Variants in ITGA8 observed in about 807,000 individuals in gnomAD.
ITGA8 encodes the protein integrin subunit alpha 8, also known as integrin alpha-8.
ITGA8 carries 91 observed loss-of-function variants against 142.3 expected under a neutral mutation model. The observed-to-expected ratio is 0.64, with a 90% CI of 0.54 to 0.76. The LOEUF (loss-of-function observed/expected upper bound fraction) is 0.76, where lower values mean the gene tolerates loss of function less well. Ranked by LOEUF, ITGA8 falls within the 30% of genes least tolerant of loss-of-function variation. ITGA8 has a pLI of 0.00. For missense variants in ITGA8, 1,406 were observed against 1,327.7 expected (o/e 1.06, Z -0.92); for synonymous variants, 505 against 485.2 (o/e 1.04, Z -0.54).
At chr10:15,666,789 G>T (rs1339233875) in intron 8 of ITGA8, among the ~76,000 whole-genome samples, 1 of 152,162 alleles carries the variant, frequency 6.6e-6, no homozygotes, top group Non-Finnish European at 1.5e-5. Flanking sequence ...TGTGGTTTTT[G>T]TCTTTGTTCT....
chr10:15,694,929 C>A (rs1249988518), intron 2 of ITGA8, among the ~76,000 whole-genome samples: 2 of 151,576 alleles, frequency 1.3e-5, no homozygotes, highest in African/African-American at 2.4e-5. Flanking sequence ...GAGACCAGTG[C>A]CTCAAAAATT....
intron 25 of ITGA8, among the ~76,000 whole-genome samples, chr10:15,563,621 A>T (rs928553875): frequency 6.6e-6 from 1 of 152,196 alleles, no homozygotes; most frequent in Non-Finnish European, 1.5e-5. Context: ...GTGCTAAAAC[A>T]ATAGCCCAAA....
Position 15,616,924 on chromosome 10 carries a change from TC to T in ITGA8, c.1400-366del, listed in dbSNP as rs574702439. Among the ~76,000 whole-genome samples the T allele has an allele frequency of 1.1e-3, 169 of 152,292 alleles. 2 individuals are homozygous for T. The highest frequency in any genetic ancestry group is 3.1e-3 in the Admixed American group (47 of 15,298). ...CTAGGTACCAGGCTCATTACACATT[TC>T]GTGTTATCACTCTCACCAGTGAATA... On this transcript the variant is annotated intron_variant, in intron 13 of 29. Transcript: ENST00000378076.
intron 20 of ITGA8, among the ~76,000 whole-genome samples, chr10:15,602,123 C>G (rs1833114482): frequency 6.6e-6 from 1 of 152,114 alleles, no homozygotes; most frequent in Non-Finnish European, 1.5e-5. Flanking sequence ...TAGAATAGGT[C>G]CTTTGTTTAG....
intron 8 of ITGA8, among the ~76,000 whole-genome samples, chr10:15,670,066 T>C (rs1360783660): frequency 2.0e-5 from 3 of 152,178 alleles, no homozygotes; most frequent in African/African-American, 7.2e-5. Flanking sequence ...AAATCACCCA[T>C]CTTCTGCGTC....
At chr10:15,718,097 AATT>A (rs1429233916) in intron 2 of ITGA8, among the ~76,000 whole-genome samples, 1 of 152,238 alleles carries the variant, frequency 6.6e-6, no homozygotes, top group Non-Finnish European at 1.5e-5. Flanking sequence ...ATCGCATTTA[AATT>A]ATTTTCTCAG....
chr10:15,691,615 T>G (rs1470263801), intron 2 of ITGA8, among the ~76,000 whole-genome samples: 1 of 152,164 alleles, frequency 6.6e-6, no homozygotes, highest in East Asian at 1.9e-4. Flanking sequence ...ACCACCGATA[T>G]TGCATGATCT....
At chr10:15,536,413 G>C (rs530686581) in intron 27 of ITGA8, among the ~76,000 whole-genome samples, 57 of 152,316 alleles carry the variant, frequency 3.7e-4, no homozygotes, top group African/African-American at 1.3e-3. Context: ...CTGCGTTGTA[G>C]ATCAGAGGCA....
intron 11 of ITGA8, among the ~76,000 whole-genome samples, chr10:15,652,001 C>T (rs7089969): frequency 0.095 from 14,451 of 152,044 alleles, 905 homozygotes; most frequent in East Asian, 0.29. Flanking sequence ...ATGGAAATAT[C>T]CTTCAATGCA....
intron 25 of ITGA8, among the ~76,000 whole-genome samples, chr10:15,565,358 TTTTTG>T (rs145563072): frequency 6.6e-5 from 10 of 151,788 alleles, no homozygotes; most frequent in Non-Finnish European, 1.2e-4. Flanking sequence ...GCTAAGTTCT[TTTTTG>T]TTTTGTTTTG....
chr10:15,605,731 C>G lies in ITGA8; in HGVS notation c.1963G>C (p.Ala655Pro). Reference protein sequence around the residue: ...NLCVPDLKLSARPDKHQVIIG... With the variant: ...NLCVPDLKLSPRPDKHQVIIG... ...TTAGTTATTTAAACTTACGGTCTAGCCGACAGCTTCAAGTCAGGAACACAC... is the reference window on the plus strand; with the variant it reads ...TTAGTTATTTAAACTTACGGTCTAGGCGACAGCTTCAAGTCAGGAACACAC... Residue 655 changes from alanine to proline, a missense_variant, in exon 19 of 30, where the codon GCT (alanine) becomes CCT (proline). By Grantham distance (27) the Ala-to-Pro change is conservative (BLOSUM62 -1). Transcript: ENST00000378076. 1 of 1,612,806 alleles carries G rather than the reference C, an allele frequency of 6.2e-7. No homozygotes were observed. Among genetic ancestry groups the G allele is most frequent in the Non-Finnish European group, 8.5e-7 (1 of 1,178,878 alleles).
At chr10:15,544,525 T>C (rs1166918146) in intron 27 of ITGA8, among the ~76,000 whole-genome samples, 1 of 152,172 alleles carries the variant, frequency 6.6e-6, no homozygotes, top group African/African-American at 2.4e-5. Flanking sequence ...CCCCAAGAAA[T>C]GAATCTATTG....
At position 15,708,647 on chromosome 10, in the gene ITGA8, A is replaced by G. The variant is rs528716469; in HGVS notation, c.343+10119T>C. ...TCTGTTTGTGTGCATTTCCTTTCTC[A>G]TGCTCTTTTAAAGATGGTAGATACA... On this transcript the variant is annotated intron_variant, in intron 2 of 29. Transcript: ENST00000378076. Among the ~76,000 whole-genome samples the G allele has an allele frequency of 4.6e-5, 7 of 152,322 alleles. No homozygotes were observed. The East Asian group carries it at 9.6e-4, about 21-fold the overall frequency.
At chr10:15,572,965 C>A (rs1317962790) in intron 24 of ITGA8, among the ~76,000 whole-genome samples, 1 of 152,216 alleles carries the variant, frequency 6.6e-6, no homozygotes, top group Non-Finnish European at 1.5e-5. Context: ...CATTTTTTAA[C>A]ACGTGAATCC....
intron 2 of ITGA8, among the ~76,000 whole-genome samples, chr10:15,711,466 GT>G (rs542885797): frequency 6.6e-6 from 1 of 151,746 alleles, no homozygotes; most frequent in East Asian, 1.9e-4. Flanking sequence ...CTCCATAAAG[GT>G]TTTTTCTCTT....
intron 27 of ITGA8, among the ~76,000 whole-genome samples, chr10:15,538,953 GTTTTTTT>G (rs367805176): frequency 1.9e-4 from 25 of 132,196 alleles, no homozygotes; most frequent in South Asian, 2.6e-4. Context: ...TCAGGTAAAG[GTTTTTTT>G]TTTTTTTTTT....
chr10:15,692,263 C>A (rs77508821), intron 2 of ITGA8, among the ~76,000 whole-genome samples: 9,736 of 151,290 alleles, frequency 0.064, 440 homozygotes, highest in Non-Finnish European at 0.093. Context: ...AAAAAAAAAA[C>A]TTGAGCACCA....
chr10:15,645,963 A>G (rs1406939049), intron 12 of ITGA8, among the ~76,000 whole-genome samples: 1 of 152,222 alleles, frequency 6.6e-6, no homozygotes, highest in Non-Finnish European at 1.5e-5. Flanking sequence ...CTACGTGCCA[A>G]TTAAAATTCA....
At position 15,637,018 on chromosome 10, in the gene ITGA8, G is replaced by A. The variant is rs561336288; in HGVS notation, c.1399+7012C>T. ...AAATTAGCTGGGCGTGGTGGCACACGCCCATAATCCCAGTTACTTGGGAGT... is the reference window on the plus strand; with the variant it reads ...AAATTAGCTGGGCGTGGTGGCACACACCCATAATCCCAGTTACTTGGGAGT... On this transcript the variant is annotated intron_variant, in intron 13 of 29. Coordinates refer to ENST00000378076, the MANE Select transcript of ITGA8 (RefSeq NM_003638.3). Among the ~76,000 whole-genome samples, 10 of 152,208 alleles carry A rather than the reference G, an allele frequency of 6.6e-5. No individual in the cohort carries two copies. The East Asian group carries it at 1.4e-3, about 21-fold the overall frequency.
Sources: gnomAD v4.1 joint callset for allele counts (sites outside exome capture counted in the v4.1 genomes callset) on GRCh38, gnomAD v4.1.1 for gene constraint, MANE v1.5 for transcripts, NCBI Gene and HGNC (gene_info 2026-07-23, HGNC 2026-07-21) for gene names.